The following OPRM1 variants were observed in gnomAD, a reference collection of about 807,000 sequenced individuals.
OPRM1 encodes opioid receptor mu 1, also known as mu-type opioid receptor.
A neutral mutation model predicts 31.8 loss-of-function variants in OPRM1; 27 were observed. That is an observed-to-expected ratio of 0.85 (90% CI 0.63 to 1.17). The LOEUF (loss-of-function observed/expected upper bound fraction) is 1.17. Among genes scored for constraint, OPRM1 ranks in the 50% most tolerant of loss-of-function variants. OPRM1 has a pLI of 0.00. For missense variants in OPRM1, 536 were observed against 511.1 expected (o/e 1.05, Z -0.47); for synonymous variants, 196 against 189.9 (o/e 1.03, Z -0.26).
intron 3 of OPRM1, among the ~76,000 whole-genome samples, chr6:154,100,023 ATAT>A (rs1271624866): frequency 6.7e-4 from 77 of 115,338 alleles, no homozygotes; most frequent in African/African-American, 1.5e-3. Context: ...ATATCATAAC[ATAT>A]TATATATTAT....
chr6:154,105,331 C>T (rs1405789024), intron 3 of OPRM1, among the ~76,000 whole-genome samples: 3 of 152,138 alleles, frequency 2.0e-5, no homozygotes, highest in Non-Finnish European at 4.4e-5. Flanking sequence ...AACAAAGGAT[C>T]AGCAATGTTC....
intron 1 of OPRM1, among the ~76,000 whole-genome samples, chr6:154,057,302 ACACAGTCTGACT>A (rs1783506311): frequency 6.6e-6 from 1 of 152,234 alleles, no homozygotes; most frequent in Non-Finnish European, 1.5e-5. Flanking sequence ...AGCAAAATAG[ACACAGTCTGACT>A]TTTTCCCAAA....
At chr6:154,142,597 C>T (rs184629126) in intron 3 of OPRM1, among the ~76,000 whole-genome samples, 116 of 152,254 alleles carry the variant, frequency 7.6e-4, no homozygotes, top group African/African-American at 2.8e-3. Context: ...ATCCTAGATC[C>T]AAGGTCAAAC....
chr6:154,170,905 C>T (rs886188911), intron 3 of OPRM1, among the ~76,000 whole-genome samples: 5 of 152,128 alleles, frequency 3.3e-5, no homozygotes, highest in African/African-American at 7.2e-5. Flanking sequence ...GGGTCTTGGT[C>T]TATCACCTGG....
intron 3 of OPRM1, among the ~76,000 whole-genome samples, chr6:154,176,933 A>G (rs1026054661): frequency 6.6e-6 from 1 of 152,182 alleles, no homozygotes; most frequent in African/African-American, 2.4e-5. Context: ...CACTGGTACT[A>G]AAACAGAGAT....
chr6:154,137,666 C>T (rs900651005), intron 3 of OPRM1, among the ~76,000 whole-genome samples: 1 of 152,124 alleles, frequency 6.6e-6, no homozygotes, highest in African/African-American at 2.4e-5. Context: ...TTTACACATA[C>T]AAAAGAATGG....
intron 3 of OPRM1, among the ~76,000 whole-genome samples, chr6:154,141,896 A>G (rs1162409363): frequency 1.3e-5 from 2 of 152,186 alleles, no homozygotes; most frequent in African/African-American, 4.8e-5. Flanking sequence ...TTCAAGGCCC[A>G]AGATATTTTC....
chr6:154,067,172 A>G (rs962527705), intron 1 of OPRM1, among the ~76,000 whole-genome samples: 1 of 151,414 alleles, frequency 6.6e-6, no homozygotes, highest in Non-Finnish European at 1.5e-5. Context: ...TATTTCATTT[A>G]TCTCTGCTCC....
chr6:154,189,260 G>A (rs1201565389), intron 3 of OPRM1, among the ~76,000 whole-genome samples: 1 of 152,162 alleles, frequency 6.6e-6, no homozygotes, highest in African/African-American at 2.4e-5. Flanking sequence ...AGGATGTGGG[G>A]CTTTGAGAGC....
chr6:154,213,388 G>T lies in OPRM1; in HGVS notation c.1165-33305G>T, dbSNP rs77916560. The T allele has an allele frequency of 1.2e-3, 189 of 156,432 alleles. 2 individuals carry two copies. The East Asian group carries it at 0.025, about 20-fold the overall frequency. The allele number at this position is 156,432 out of a possible 1,614,324, so 9.7% of individuals were successfully genotyped here. Reference sequence around the variant, plus strand: ...ACCAGGACAAGGAGAAGTTTTGTGTGTAGTTTTGTACTAACTCACAATCTA... The same window carrying T: ...ACCAGGACAAGGAGAAGTTTTGTGTTTAGTTTTGTACTAACTCACAATCTA... On this transcript the variant is annotated intron_variant, in intron 3 of 3. Transcript: ENST00000337049.
At chr6:154,028,896 T>C (rs1042021441) in intron 1 of OPRM1, among the ~76,000 whole-genome samples, 2 of 152,230 alleles carry the variant, frequency 1.3e-5, no homozygotes, top group African/African-American at 4.8e-5. Flanking sequence ...CCTCTTTCTC[T>C]TTCAGTGATA....
At chr6:154,136,255 G>A (rs1037517843), downstream of OPRM1, among the ~76,000 whole-genome samples, 12 of 152,112 alleles carry the variant, frequency 7.9e-5, no homozygotes, top group Admixed American at 3.9e-4. Flanking sequence ...GGGCTTCCAC[G>A]TCTCTATCTC....
intron 3 of OPRM1, among the ~76,000 whole-genome samples, chr6:154,184,758 A>AT (rs57518036): frequency 0.079 from 11,983 of 152,094 alleles, 981 homozygotes; most frequent in East Asian, 0.43. Context: ...GGAAATCTTT[A>AT]TTTTTTCTTG....
intron 3 of OPRM1, among the ~76,000 whole-genome samples, chr6:154,219,811 T>G (rs1778707101): frequency 6.6e-6 from 1 of 152,152 alleles, no homozygotes; most frequent in South Asian, 2.1e-4. Context: ...CAAAGCTTTG[T>G]TTGGAAGACT....
At chr6:154,211,757 T>C (rs956015911) in intron 3 of OPRM1, among the ~76,000 whole-genome samples, 4 of 152,222 alleles carry the variant, frequency 2.6e-5, no homozygotes, top group Admixed American at 6.5e-5. Flanking sequence ...GCAAAAGTGA[T>C]TGTGTTTTTT....
intron 3 of OPRM1, among the ~76,000 whole-genome samples, chr6:154,139,701 C>T (rs993754057): frequency 5.3e-5 from 8 of 152,014 alleles, no homozygotes; most frequent in Non-Finnish European, 8.8e-5. Flanking sequence ...AGTCAGTGGT[C>T]GGTTAATATA....
chr6:154,055,383 G>C (rs753198686), intron 1 of OPRM1, among the ~76,000 whole-genome samples: 1 of 150,938 alleles, frequency 6.6e-6, no homozygotes. Flanking sequence ...GTGAAACATC[G>C]TCTGAAAAAA....
intron 3 of OPRM1, among the ~76,000 whole-genome samples, chr6:154,222,260 C>T (rs1778925429): frequency 6.6e-6 from 1 of 152,232 alleles, no homozygotes; most frequent in Non-Finnish European, 1.5e-5. Context: ...ACGGCACAGG[C>T]CAGGGTTTTT....
chr6:154,179,844 C>T (rs1800679358), intron 3 of OPRM1, among the ~76,000 whole-genome samples: 1 of 152,184 alleles, frequency 6.6e-6, no homozygotes, highest in African/African-American at 2.4e-5. Context: ...TCCTCTCAAA[C>T]TTTTAACAGG....
Sources: allele counts gnomAD v4.1 joint callset (sites outside exome capture counted in the v4.1 genomes callset), GRCh38; gene constraint gnomAD v4.1.1; transcripts MANE v1.5; gene names NCBI Gene and HGNC (gene_info 2026-07-23, HGNC 2026-07-21).